DPH6: variants seen among roughly 807,000 people sequenced by gnomAD.
DPH6 encodes the protein diphthamine biosynthesis 6.
A neutral mutation model predicts 38.2 loss-of-function variants in DPH6; 33 were observed. The observed-to-expected ratio is 0.86, with a 90% CI of 0.65 to 1.15. The LOEUF is 1.15. Ranked by LOEUF, DPH6 falls within the 50% of genes most tolerant of loss-of-function variation. DPH6 has a pLI of 0.00. For synonymous variants in DPH6, 108 were observed against 103.0 expected (o/e 1.05, Z -0.30); for missense variants, 325 against 320.0 (o/e 1.02, Z -0.12).
At chr15:35,538,815 T>G (rs1294753111) in intron 2 of DPH6, among the ~76,000 whole-genome samples, 1 of 152,120 alleles carries the variant, frequency 6.6e-6, no homozygotes, top group African/African-American at 2.4e-5. Flanking sequence ...TACATAAATG[T>G]TTTTACAAAT....
chr15:35,456,905 C>A (rs938003828), intron 3 of DPH6, among the ~76,000 whole-genome samples: 2 of 152,136 alleles, frequency 1.3e-5, no homozygotes, highest in African/African-American at 4.8e-5. Context: ...TGTATACATG[C>A]ATTCTCTGGA....
At chr15:35,159,791 A>G in the DPH6 span, among the ~76,000 whole-genome samples, 2 of 152,056 alleles carry the variant, frequency 1.3e-5, no homozygotes, top group Non-Finnish European at 2.9e-5. Flanking sequence ...AAGAAAAAAC[A>G]TAGATTCAAC....
chr15:35,503,891 G>A (rs939073188), intron 3 of DPH6, among the ~76,000 whole-genome samples: 2 of 152,034 alleles, frequency 1.3e-5, no homozygotes, highest in African/African-American at 4.8e-5. Context: ...GGGGAACCAG[G>A]TGCCAGAAAG....
chr15:35,278,239 C>T (rs2051872324), intron 3 of DPH6, among the ~76,000 whole-genome samples: 1 of 152,240 alleles, frequency 6.6e-6, no homozygotes, highest in Non-Finnish European at 1.5e-5. Context: ...CTCCCTGCAA[C>T]CAGGCTGCTC....
chr15:35,362,810 T>C (rs2052624915), intron 3 of DPH6, among the ~76,000 whole-genome samples: 1 of 152,200 alleles, frequency 6.6e-6, no homozygotes, highest in African/African-American at 2.4e-5. Flanking sequence ...GTGGTTGTTT[T>C]TGACTCTGAG....
downstream of DPH6, among the ~76,000 whole-genome samples, chr15:35,370,164 T>C (rs1254139898): frequency 1.3e-5 from 2 of 151,718 alleles, no homozygotes; most frequent in African/African-American, 2.4e-5. Context: ...AACGAATCCA[T>C]ATATAGATGT....
At chr15:35,461,584 CTT>C (rs112609768) in intron 3 of DPH6, among the ~76,000 whole-genome samples, 11 of 139,220 alleles carry the variant, frequency 7.9e-5, no homozygotes, top group Non-Finnish European at 7.9e-5. Context: ...TAGTTGTGAT[CTT>C]TTTTTTTTTT....
chr15:35,164,562 A>C, the DPH6 span, among the ~76,000 whole-genome samples: 8,984 of 151,898 alleles, frequency 0.059, 421 homozygotes, highest in East Asian at 0.25. Context: ...TCTAAATTAA[A>C]AGTTTAGTAT....
rs527900142 is a variant in DPH6, at chr15:35,382,223, CAGG to C, written c.568-310_568-308del. Reference sequence around the variant, plus strand: ...GGCCGAGGCGGGCGGATCACAAGGTCAGGAGATCGAGACCATCCTGGCTAACAT... The same window carrying C: ...GGCCGAGGCGGGCGGATCACAAGGTCAGATCGAGACCATCCTGGCTAACAT... On this transcript the variant is annotated intron_variant, in intron 6 of 8. Transcript: ENST00000256538. 4.9e-3 allele frequency among the ~76,000 whole-genome samples: 753 copies of C among 152,250 alleles called. 3 individuals carry two copies. Among genetic ancestry groups the C allele is most frequent in the Non-Finnish European group, 8.6e-3 (582 of 68,006 alleles).
intron 3 of DPH6, among the ~76,000 whole-genome samples, chr15:35,313,251 T>A (rs1468842723): frequency 1.3e-5 from 2 of 151,892 alleles, no homozygotes; most frequent in South Asian, 2.1e-4. Flanking sequence ...TTTTTTTTTT[T>A]TTTTTAAATC....
intron 7 of DPH6, among the ~76,000 whole-genome samples, chr15:35,381,452 AC>A (rs760122343): frequency 6.6e-6 from 1 of 152,194 alleles, no homozygotes; most frequent in Non-Finnish European, 1.5e-5. Flanking sequence ...AGTTAATGGA[AC>A]CCACAGGCTA....
chr15:35,231,728 C>T (rs1265468477), intron 3 of DPH6, among the ~76,000 whole-genome samples: 1 of 152,118 alleles, frequency 6.6e-6, no homozygotes, highest in Non-Finnish European at 1.5e-5. Context: ...AGCATGGTGC[C>T]AGCATCGGCT....
chr15:35,424,478 A>C (rs1595551587), intron 5 of DPH6, among the ~76,000 whole-genome samples: 1 of 151,250 alleles, frequency 6.6e-6, no homozygotes, highest in East Asian at 1.9e-4. Flanking sequence ...AGTCTTTTCA[A>C]TATGTATGAT....
intron 3 of DPH6, among the ~76,000 whole-genome samples, chr15:35,301,982 A>G (rs2052057507): frequency 6.6e-6 from 1 of 152,080 alleles, no homozygotes; most frequent in African/African-American, 2.4e-5. Flanking sequence ...TCAAAATAAT[A>G]ATAATAATAA....
At chr15:35,508,866 G>A (rs2054730528) in intron 3 of DPH6, among the ~76,000 whole-genome samples, 1 of 152,094 alleles carries the variant, frequency 6.6e-6, no homozygotes, top group African/African-American at 2.4e-5. Context: ...GTCCCAGATG[G>A]AAAATCAAAA....
chr15:35,390,015 G>C (rs1179584548), intron 6 of DPH6, among the ~76,000 whole-genome samples: 3 of 152,060 alleles, frequency 2.0e-5, no homozygotes, highest in Non-Finnish European at 2.9e-5. Flanking sequence ...CTTCCTTCAG[G>C]AGCTCTTTTA....
chr15:35,436,506 A>AAAAAAAC (rs1244468652), intron 5 of DPH6, among the ~76,000 whole-genome samples: 1 of 103,300 alleles, frequency 9.7e-6, no homozygotes, highest in African/African-American at 4.1e-5. Context: ...AAACAAAACA[A>AAAAAAAC]AACAAAACAA....
intron 3 of DPH6, among the ~76,000 whole-genome samples, chr15:35,233,544 T>C (rs888275599): frequency 1.3e-5 from 2 of 152,216 alleles, no homozygotes; most frequent in African/African-American, 4.8e-5. Flanking sequence ...TCATTAAGAC[T>C]TTCTCAGGGC....
chr15:35,436,338 C>T (rs1179427769), intron 5 of DPH6, among the ~76,000 whole-genome samples: 8 of 151,462 alleles, frequency 5.3e-5, no homozygotes, highest in Non-Finnish European at 7.4e-5. Context: ...TGGTGGTGGG[C>T]GCCTGTACTC....
Sources: gnomAD v4.1 joint callset for allele counts (sites outside exome capture counted in the v4.1 genomes callset) on GRCh38, gnomAD v4.1.1 for gene constraint, MANE v1.5 for transcripts, NCBI Gene and HGNC (gene_info 2026-07-23, HGNC 2026-07-21) for gene names.